ABCB11: variants seen among roughly 807,000 people sequenced by gnomAD.
The protein encoded by ABCB11 is bile salt export pump.
ABCB11 carries 95 observed loss-of-function variants against 148.0 expected under a neutral mutation model. The observed-to-expected ratio is 0.64, with a 90% confidence interval of 0.54 to 0.76. The LOEUF (loss-of-function observed/expected upper bound fraction) is 0.76, where lower values mean the gene tolerates loss of function less well. Among genes scored for constraint, ABCB11 ranks in the 30% least tolerant of loss-of-function variants. The probability of loss-of-function intolerance (pLI) is 0.00; values close to 1 mark genes in which losing one functional copy is unlikely to be tolerated. For synonymous variants in ABCB11, 591 were observed against 555.4 expected (o/e 1.06, Z -0.90); for missense variants, 1,523 against 1,617.8 (o/e 0.94, Z 1.01).
rs13420697 is a variant in ABCB11, at chr2:168,981,112, G to C, written c.1084-1133C>G. Among the ~76,000 whole-genome samples, 660 of 152,258 alleles carry C rather than the reference G, an allele frequency of 4.3e-3. 5 individuals carry two copies. Among genetic ancestry groups the C allele is most frequent in the African/African-American group, 0.015 (616 of 41,546 alleles). ...ATAGGCCAGACCCTTCCCATTTGTT[G>C]TATCACATTGAGGCAAATTGCCTGA... On this transcript the variant is annotated intron_variant, in intron 10 of 27. Coordinates refer to ENST00000650372, the MANE Select transcript of ABCB11 (RefSeq NM_003742.4).
chr2:168,972,792 T>G (rs1308296792), intron 13 of ABCB11, among the ~76,000 whole-genome samples: 1 of 151,992 alleles, frequency 6.6e-6, no homozygotes, highest in Non-Finnish European at 1.5e-5. Flanking sequence ...ACAAGAATAA[T>G]TTTGAGACAG....
At chr2:168,919,590 C>T (rs554196707), downstream of ABCB11, among the ~76,000 whole-genome samples, 1 of 152,110 alleles carries the variant, frequency 6.6e-6, no homozygotes, top group South Asian at 2.1e-4. Context: ...GTTCTTACAT[C>T]CCATATCTTC....
In ABCB11 at chr2:168,973,840, T is replaced by C; in HGVS notation, c.1309A>G (p.Ile437Val). ...FHYPSRPEVKILNDLNMVIKP... is the reference protein window; with the variant it reads ...FHYPSRPEVKVLNDLNMVIKP... ...ATGACCATGTTGAGGTCATTTAGAA[T>C]CTGGAGAAGAAAGAAAACAGCAAAG... Residue 437 changes from isoleucine (I) to valine (V), a missense_variant and splice_region_variant, in exon 13 of 28, where the codon ATT becomes GTT. Coordinates refer to ENST00000650372, the MANE Select transcript of ABCB11 (RefSeq NM_003742.4). The C allele has an allele frequency of 6.2e-7, 1 of 1,610,826 alleles. No individual in the cohort carries two copies. The highest frequency in any genetic ancestry group is 1.7e-5 in the Admixed American group (1 of 59,860).
chr2:169,027,069 TAAAC>T (rs1695721845), intron 1 of ABCB11, among the ~76,000 whole-genome samples: 1 of 152,238 alleles, frequency 6.6e-6, no homozygotes, highest in South Asian at 2.1e-4. Context: ...AAATTTTACT[TAAAC>T]TAACACAAGA....
chr2:168,972,268 T>C (rs1422460950), intron 13 of ABCB11, among the ~76,000 whole-genome samples: 1 of 152,060 alleles, frequency 6.6e-6, no homozygotes, highest in Non-Finnish European at 1.5e-5. Flanking sequence ...ACATAAATGA[T>C]GTAAATAAAG....
chr2:168,915,938 A>T (rs575803841), downstream of ABCB11, among the ~76,000 whole-genome samples: 1 of 152,198 alleles, frequency 6.6e-6, no homozygotes, highest in Non-Finnish European at 1.5e-5. Context: ...ATAGTGACTT[A>T]TCACCTACAT....
downstream of ABCB11, among the ~76,000 whole-genome samples, chr2:168,915,789 T>C (rs1690929463): frequency 6.6e-6 from 1 of 152,218 alleles, no homozygotes; most frequent in African/African-American, 2.4e-5. Flanking sequence ...TATATTTCAT[T>C]GACAAGACAA....
intron 5 of ABCB11, among the ~76,000 whole-genome samples, chr2:169,001,702 T>C (rs1166705106): frequency 6.6e-6 from 1 of 152,312 alleles, no homozygotes; most frequent in East Asian, 1.9e-4. Flanking sequence ...AGAAGTTTTC[T>C]ACTAGGCTTT....
At position 168,927,352 on chromosome 2, in the gene ABCB11, C is replaced by G. The variant is rs748967972; in HGVS notation, c.3422G>C (p.Gly1141Ala). ...DPDQGKVMID[G>A]HDSKKVNVQF... ...GACATTTACTTTTTTGCTGTCATGA[C>G]CATCTATCATCTGCCAATAGAGGAG... is the stretch of plus-strand genomic sequence containing the variant. The change falls in exon 26 of 28, where the codon GGT becomes GCT. Residue 1141 changes from glycine (G) to alanine (A), a missense_variant. By Grantham distance (60) the Gly-to-Ala change is moderately conservative. Coordinates refer to ENST00000650372, the MANE Select transcript of ABCB11 (RefSeq NM_003742.4). 2 of 1,613,486 alleles carry G rather than the reference C, an allele frequency of 1.2e-6. No individual in the cohort carries two copies. Among genetic ancestry groups the G allele is most frequent in the Admixed American group, 3.3e-5 (2 of 59,972 alleles).
At position 169,023,620 on chromosome 2, in the gene ABCB11, C is replaced by T. The variant is rs370118075; in HGVS notation, c.-27-5468G>A. On this transcript the variant is annotated intron_variant, in intron 1 of 27. Coordinates refer to ENST00000650372, the MANE Select transcript of ABCB11 (RefSeq NM_003742.4). ...ATTGGCATGGATAAATCTCAACAAA[C>T]GTAAGTTTAAACAAACAAGACAAAG... 9.1e-4 allele frequency among the ~76,000 whole-genome samples: 139 copies of T among 152,272 alleles called. 1 individual carries two copies. In the South Asian group the frequency reaches 0.012, roughly 13 times the overall value.
At chr2:168,979,396 C>T (rs1053074015) in intron 11 of ABCB11, among the ~76,000 whole-genome samples, 4 of 152,064 alleles carry the variant, frequency 2.6e-5, no homozygotes, top group African/African-American at 9.7e-5. Flanking sequence ...TTTAAAGACT[C>T]TTTCTCCCAC....
At position 168,993,857 on chromosome 2, in the gene ABCB11, T is replaced by C. The variant is rs768192028; in HGVS notation, c.637A>G (p.Ile213Val). The change falls in exon 8 of 28, where the codon ATA (isoleucine) becomes GTA (valine). Residue 213 changes from isoleucine (I) to valine (V), a missense_variant. Ile to Val is a conservative substitution (Grantham distance 29). Coordinates refer to ENST00000650372, the MANE Select transcript of ABCB11 (RefSeq NM_003742.4). Reference sequence around the variant, plus strand: ...ATGAAAAGGGCCATTTGGTCAGCTATGGCATCATTGATTTTATTAATATCA... The same window carrying C: ...ATGAAAAGGGCCATTTGGTCAGCTACGGCATCATTGATTTTATTAATATCA... ...SDDINKINDA[I>V]ADQMALFIQR... The C allele has an allele frequency of 1.2e-6, 2 of 1,609,186 alleles. No individual in the cohort carries two copies. Among genetic ancestry groups the C allele is most frequent in the East Asian group, 2.2e-5 (1 of 44,682 alleles).
intron 5 of ABCB11, 38 bp downstream of exon 5, chr2:169,013,234 A>C: frequency 1.3e-6 from 2 of 1,493,586 alleles, no homozygotes; most frequent in Non-Finnish European, 1.8e-6. Context: ...TTAAGATATG[A>C]GCAAAAAAGT....
chr2:168,936,562 C>T, intron 21 of ABCB11, 129 bp from the exon 22 acceptor site: 1 of 810,180 alleles, frequency 1.2e-6, no homozygotes, highest in Non-Finnish European at 1.9e-6. Flanking sequence ...TCATTTTAAC[C>T]ATTCTTAAGT....
chr2:168,991,292 C>A (rs546641917), intron 8 of ABCB11, among the ~76,000 whole-genome samples: 1 of 151,996 alleles, frequency 6.6e-6, no homozygotes, highest in Non-Finnish European at 1.5e-5. Flanking sequence ...TATAGACAAA[C>A]GCCAGAGACA....
intron 1 of ABCB11, among the ~76,000 whole-genome samples, chr2:169,022,620 T>TCAAA: frequency 6.6e-6 from 1 of 152,060 alleles, no homozygotes; most frequent in South Asian, 2.1e-4. Flanking sequence ...TACCAAAACT[T>TCAAA]CAAACAGTAG....
rs1279936025 is a variant in ABCB11 at position 168,923,732 on chromosome 2, T to C, written c.3856A>G (p.Ile1286Val). The C allele has an allele frequency of 1.2e-6, 2 of 1,613,804 alleles. No individual in the cohort carries two copies. Among genetic ancestry groups the C allele is most frequent in the East Asian group, 2.2e-5 (1 of 44,850 alleles). Residue 1286 changes from isoleucine to valine, a missense_variant, in exon 28 of 28, where the codon ATT (isoleucine) becomes GTT (valine). Ile to Val is a conservative substitution (Grantham distance 29, BLOSUM62 3). Transcript: ENST00000650372. ...RLSTIQNADI[I>V]AVMAQGVVIE... is the part of the protein sequence containing the mutation. ...ACCACCCCCTGTGCCATGACAGCAA[T>C]GATATCCGCGTTCTGGATGGTGGAC...
At chr2:168,959,818 G>T (rs576254801) in intron 18 of ABCB11, among the ~76,000 whole-genome samples, 2 of 151,266 alleles carry the variant, frequency 1.3e-5, no homozygotes, top group Admixed American at 6.6e-5. Context: ...GGGAACTGGG[G>T]GTTGGGTTGG....
At chr2:168,987,825 A>C (rs1297660143) in intron 9 of ABCB11, among the ~76,000 whole-genome samples, 4 of 152,204 alleles carry the variant, frequency 2.6e-5, no homozygotes, top group African/African-American at 7.2e-5. Flanking sequence ...GTTCAATAAA[A>C]ATGTGTGAAA....
Sources: gnomAD v4.1 joint callset for allele counts (sites outside exome capture counted in the v4.1 genomes callset) on GRCh38, gnomAD v4.1.1 for gene constraint, MANE v1.5 for transcripts, NCBI Gene and HGNC (gene_info 2026-07-23, HGNC 2026-07-21) for gene names.